FAM107B: variants seen among roughly 807,000 people sequenced by gnomAD.
FAM107B encodes protein FAM107B.
A neutral mutation model predicts 31.5 loss-of-function variants in FAM107B; 21 were observed. The ratio of observed to expected loss-of-function variants is 0.67; its 90% CI spans 0.47 to 0.96. The LOEUF (loss-of-function observed/expected upper bound fraction) is 0.96. Ranked by LOEUF, FAM107B falls within the 40% of genes least tolerant of loss-of-function variation. FAM107B has a pLI of 0.00. For missense variants in FAM107B, 452 were observed against 377.1 expected (o/e 1.20, Z -1.64); for synonymous variants, 157 against 141.5 (o/e 1.11, Z -0.78).
At chr10:14,687,789 G>T (rs889068037) in intron 1 of FAM107B, among the ~76,000 whole-genome samples, 1 of 152,094 alleles carries the variant, frequency 6.6e-6, no homozygotes, top group Non-Finnish European at 1.5e-5. Flanking sequence ...AGACCATAAA[G>T]ACTGGGGTAG....
At position 14,674,765 on chromosome 10, in the gene FAM107B, C is replaced by T. The variant is rs199907526; in HGVS notation, c.412-7074G>A. ...TTTTGTTGAGACAGGGTCTCGCTCT[C>T]GCTCTGTTGCCCAGGCTGGAGTGCA... On this transcript the variant is annotated intron_variant, in intron 1 of 4. Coordinates refer to ENST00000181796, the MANE Select transcript of FAM107B (RefSeq NM_031453.4). Among the ~76,000 whole-genome samples, 35 of 152,244 alleles carry T rather than the reference C, an allele frequency of 2.3e-4. No homozygotes were observed. The East Asian group carries it at 3.5e-3, about 15-fold the overall frequency.
intron 2 of FAM107B, chr10:14,548,488 G>A (rs1036928548): frequency 1.0e-6 from 1 of 985,508 alleles, no homozygotes; most frequent in Non-Finnish European, 1.2e-6. Flanking sequence ...GTTCACACGA[G>A]AATGCTGGAG....
At chr10:14,554,132 C>T (rs1387214019) in intron 2 of FAM107B, 5 of 985,272 alleles carry the variant, frequency 5.1e-6, no homozygotes, top group Admixed American at 6.2e-5. Flanking sequence ...GATAAGCTGG[C>T]CTCGCCTGTT....
In FAM107B at chr10:14,774,696, G is replaced by C. The variant is rs748945711; in HGVS notation, c.-33C>G. ...AGTGAATCATTGCAAAGTTCAAACGGGGCAAGGAAATTTTCCAGGGGTCCA... is the reference window on the plus strand; with the variant it reads ...AGTGAATCATTGCAAAGTTCAAACGCGGCAAGGAAATTTTCCAGGGGTCCA... On this transcript the variant is annotated 5_prime_UTR_variant, in exon 1 of 5. Transcript: ENST00000181796. The C allele has an allele frequency of 6.3e-7, 1 of 1,585,352 alleles. No individual in the cohort carries two copies.
intron 1 of FAM107B, among the ~76,000 whole-genome samples, chr10:14,770,736 CA>C (rs1403904908): frequency 1.3e-5 from 2 of 151,968 alleles, no homozygotes; most frequent in African/African-American, 4.8e-5. Flanking sequence ...GAGATGAATA[CA>C]AAAAGTTGAA....
intron 2 of FAM107B, among the ~76,000 whole-genome samples, chr10:14,604,037 T>C (rs1361110763): frequency 9.0e-5 from 13 of 144,478 alleles, no homozygotes; most frequent in Admixed American, 2.0e-4. Context: ...GTGCCCGCCC[T>C]GAGCCCCGGC....
intron 2 of FAM107B, among the ~76,000 whole-genome samples, chr10:14,622,921 C>T (rs1389327425): frequency 6.6e-6 from 1 of 152,142 alleles, no homozygotes; most frequent in Non-Finnish European, 1.5e-5. Flanking sequence ...CTAATGCATT[C>T]ATTAACTACA....
chr10:14,632,243 A>G (rs560358916), intron 2 of FAM107B, among the ~76,000 whole-genome samples: 1 of 138,682 alleles, frequency 7.2e-6, no homozygotes, highest in South Asian at 2.4e-4. Context: ...GGTTTCAGTG[A>G]GTGGAGATCG....
chr10:14,609,953 G>A lies in FAM107B; in HGVS notation c.469+57681C>T, dbSNP rs59814003. On this transcript the variant is annotated intron_variant, in intron 2 of 4. Transcript: ENST00000181796. ...AAGGAATTCTTATTGAGTAATAACC[G>A]AATTCCCACATGGTCCGTTCAGTGG... Among the ~76,000 whole-genome samples the A allele has an allele frequency of 7.5e-3, 1,137 of 152,294 alleles. 12 individuals are homozygous for A. Among genetic ancestry groups the A allele is most frequent in the African/African-American group, 0.026 (1,082 of 41,552 alleles).
chr10:14,682,398 G>A (rs113509984), intron 1 of FAM107B, among the ~76,000 whole-genome samples: 12 of 152,158 alleles, frequency 7.9e-5, no homozygotes, highest in East Asian at 3.9e-4. Flanking sequence ...GCTTGGTGGC[G>A]CACGCCTGTA....
rs903555947 is a variant in FAM107B at position 14,519,251 on chromosome 10, G to C, written c.*1939C>G. 2 of 151,890 alleles carry C rather than the reference G, an allele frequency of 1.3e-5. No homozygotes were observed. Among genetic ancestry groups the C allele is most frequent in the African/African-American group, 4.8e-5 (2 of 41,324 alleles). 9.4% of individuals were successfully genotyped at this position (151,890 alleles called of 1,614,324 possible). ...AGCCTACCAGGGCCCCTGTGAATAC[G>C]ATCAAGTGGCAGAATTGCTTCGAGA... On this transcript the variant is annotated 3_prime_UTR_variant, in exon 5 of 5. Coordinates refer to ENST00000181796, the MANE Select transcript of FAM107B (RefSeq NM_031453.4).
At chr10:14,612,691 T>C (rs1852754181) in intron 2 of FAM107B, 1 of 152,160 alleles carries the variant, frequency 6.6e-6, no homozygotes, top group African/African-American at 2.4e-5. Context: ...TACAAAGATA[T>C]GATAGAACTG....
At chr10:14,645,485 TTCCCC>T (rs1853729332) in intron 2 of FAM107B, among the ~76,000 whole-genome samples, 1 of 128,636 alleles carries the variant, frequency 7.8e-6, no homozygotes, top group African/African-American at 2.8e-5. Context: ...TGGTCCTTTC[TTCCCC>T]CACATCTCCA....
At chr10:14,697,992 G>C (rs1855305949) in intron 1 of FAM107B, among the ~76,000 whole-genome samples, 1 of 152,096 alleles carries the variant, frequency 6.6e-6, no homozygotes, top group African/African-American at 2.4e-5. Flanking sequence ...GGGCTAGGTG[G>C]CACGTGCCTG....
chr10:14,688,884 A>G (rs11259273), intron 1 of FAM107B, among the ~76,000 whole-genome samples: 47,231 of 152,140 alleles, frequency 0.31, 7,984 homozygotes, highest in East Asian at 0.54. Flanking sequence ...GAACATGCCT[A>G]CTAGTCTAAG....
intron 1 of FAM107B, among the ~76,000 whole-genome samples, chr10:14,684,698 C>T (rs1854930309): frequency 6.6e-6 from 1 of 152,152 alleles, no homozygotes; most frequent in Admixed American, 6.5e-5. Context: ...CTGAGACACA[C>T]TTTTTTATTC....
At chr10:14,693,730 C>G (rs897311636) in intron 1 of FAM107B, among the ~76,000 whole-genome samples, 3 of 152,006 alleles carry the variant, frequency 2.0e-5, no homozygotes, top group African/African-American at 7.3e-5. Context: ...TACTTTGTAC[C>G]CACTGACCTC....
chr10:14,712,912 G>A lies in FAM107B; in HGVS notation c.412-45221C>T, dbSNP rs1855685871. 2.0e-5 allele frequency among the ~76,000 whole-genome samples: 3 copies of A among 152,170 alleles called. No individual in the cohort carries two copies. In the South Asian group the frequency reaches 6.2e-4, roughly 32 times the overall value. The stretch of plus-strand genomic sequence containing the variant: ...TCCTTGATGGTGACTGAGACTAAAA[G>A]TGTGCCCACTTTTCACTTTAGGGCT... On this transcript the variant is annotated intron_variant, in intron 1 of 4. Coordinates refer to ENST00000181796, the MANE Select transcript of FAM107B (RefSeq NM_031453.4).
chr10:14,662,247 A>G (rs1036864270), intron 2 of FAM107B, among the ~76,000 whole-genome samples: 10 of 152,186 alleles, frequency 6.6e-5, no homozygotes, highest in Admixed American at 2.6e-4. Flanking sequence ...TGGGGAGCAC[A>G]CAGTCGAACG....
Sources: gnomAD v4.1 joint callset for allele counts (sites outside exome capture counted in the v4.1 genomes callset) on GRCh38, gnomAD v4.1.1 for gene constraint, MANE v1.5 for transcripts, NCBI Gene and HGNC (gene_info 2026-07-23, HGNC 2026-07-21) for gene names.